The following CD247 variants were observed in gnomAD, a reference collection of about 807,000 sequenced individuals.
The protein encoded by CD247 is CD247 molecule, also known as T-cell surface glycoprotein CD3 zeta chain.
In CD247, 13 loss-of-function variants were observed where a neutral mutation model predicts 30.0. The observed-to-expected ratio is 0.43, with a 90% CI of 0.28 to 0.69. The LOEUF is 0.69. Among genes scored for constraint, CD247 ranks in the 30% least tolerant of loss-of-function variants. The pLI is 0.16. For missense variants in CD247, 193 were observed against 212.6 expected (o/e 0.91, Z 0.57); for synonymous variants, 72 against 80.0 (o/e 0.90, Z 0.53).
intron 1 of CD247, among the ~76,000 whole-genome samples, chr1:167,441,943 T>C (rs751434810): frequency 1.3e-5 from 2 of 152,134 alleles, no homozygotes; most frequent in Non-Finnish European, 2.9e-5. Context: ...AAACCCCATC[T>C]CTACTAAAAA....
chr1:167,514,691 C>G (rs957832718), intron 1 of CD247, among the ~76,000 whole-genome samples: 1 of 151,866 alleles, frequency 6.6e-6, no homozygotes, highest in Non-Finnish European at 1.5e-5. Flanking sequence ...TAGCCTTGGC[C>G]GAAGCAGAGC....
chr1:167,495,838 G>A (rs1654668354), intron 1 of CD247, among the ~76,000 whole-genome samples: 1 of 152,108 alleles, frequency 6.6e-6, no homozygotes, highest in Non-Finnish European at 1.5e-5. Context: ...TGACTAGAAT[G>A]CCACCATCTT....
In CD247 at chr1:167,431,070, C is replaced by G; in HGVS notation, c.*611G>C. 2.4e-6 allele frequency: 1 copy of G among 424,546 alleles called. No individual in the cohort carries two copies. The allele number at this position is 424,546 out of a possible 1,614,324, so 26.3% of individuals were successfully genotyped here. A position where few individuals can be genotyped will look rare whatever the true frequency, so the allele number is the denominator to read the frequency against. Reference sequence around the variant, plus strand: ...CACAGAGGCCTGAGGCAGGGAGGCTCCCGCTGCCCTCGCAGGCCCTGGCTG... The same window carrying G: ...CACAGAGGCCTGAGGCAGGGAGGCTGCCGCTGCCCTCGCAGGCCCTGGCTG... On this transcript the variant is annotated 3_prime_UTR_variant, in exon 8 of 8. Transcript: ENST00000362089.
chr1:167,435,513 C>T (rs1651504985), intron 4 of CD247, 79 bp from the exon 5 acceptor site: 3 of 1,150,928 alleles, frequency 2.6e-6, no homozygotes, highest in South Asian at 1.2e-5. Context: ...CCCCATCCTG[C>T]CCCCTGACTG....
chr1:167,483,094 C>T (rs1001604622), intron 1 of CD247, among the ~76,000 whole-genome samples: 5 of 151,686 alleles, frequency 3.3e-5, no homozygotes, highest in African/African-American at 2.4e-5. Context: ...CAGCAACCTC[C>T]GCCTCCTGGG....
At chr1:167,479,125 A>G (rs1037731685) in intron 1 of CD247, among the ~76,000 whole-genome samples, 3 of 152,246 alleles carry the variant, frequency 2.0e-5, no homozygotes, top group Admixed American at 2.0e-4. Context: ...ATTCAAACTC[A>G]CATAGCTAAT....
intron 7 of CD247, 30 bp downstream of exon 7, chr1:167,432,994 T>C (rs1474657442): frequency 6.2e-7 from 1 of 1,613,414 alleles, no homozygotes; most frequent in Admixed American, 1.7e-5. Flanking sequence ...GTGGTGCCCC[T>C]TCCACTGAAG....
intron 1 of CD247, among the ~76,000 whole-genome samples, chr1:167,484,344 G>A (rs1380158874): frequency 1.3e-5 from 2 of 152,162 alleles, no homozygotes; most frequent in Non-Finnish European, 2.9e-5. Context: ...CTCCATCTCA[G>A]TCACAAGGAC....
intron 1 of CD247, among the ~76,000 whole-genome samples, chr1:167,455,002 T>TCCCGGAGCTC (rs1369035171): frequency 8.5e-5 from 13 of 152,104 alleles, no homozygotes; most frequent in Admixed American, 8.5e-4. Context: ...CCCAAGCTCC[T>TCCCGGAGCTC]CCCGGAGCTC....
intron 4 of CD247, 78 bp from the exon 5 acceptor site, chr1:167,435,512 G>T: frequency 1.7e-6 from 2 of 1,158,952 alleles, no homozygotes; most frequent in Non-Finnish European, 2.6e-6. Context: ...ACCCCATCCT[G>T]CCCCCTGACT....
chr1:167,446,722 G>T (rs143463534), intron 1 of CD247, among the ~76,000 whole-genome samples: 1 of 152,196 alleles, frequency 6.6e-6, no homozygotes, highest in Non-Finnish European at 1.5e-5. Flanking sequence ...GGCCAGGCGC[G>T]GTGGCTCACG....
At chr1:167,457,801 T>C (rs1474768432) in intron 1 of CD247, 1 of 152,252 alleles carries the variant, frequency 6.6e-6, no homozygotes, top group African/African-American at 2.4e-5. Flanking sequence ...TGCAACTAGA[T>C]TGTAGGTTGC....
chr1:167,501,096 C>T (rs1187105882), intron 1 of CD247, among the ~76,000 whole-genome samples: 1 of 150,398 alleles, frequency 6.6e-6, no homozygotes, highest in African/African-American at 2.5e-5. Context: ...CACTTGTTGC[C>T]CAGGCTGGAG....
At chr1:167,505,972 A>G (rs1290898983) in intron 1 of CD247, among the ~76,000 whole-genome samples, 3 of 152,232 alleles carry the variant, frequency 2.0e-5, no homozygotes, top group Non-Finnish European at 2.9e-5. Context: ...AGCCCAGAGG[A>G]CAGGCAGCTA....
intron 1 of CD247, among the ~76,000 whole-genome samples, chr1:167,489,491 A>G (rs1654351433): frequency 6.6e-6 from 1 of 152,104 alleles, no homozygotes; most frequent in Non-Finnish European, 1.5e-5. Context: ...GTGGAATTCC[A>G]TGGGAAGTTT....
intron 1 of CD247, among the ~76,000 whole-genome samples, chr1:167,506,511 C>T (rs1655142331): frequency 6.6e-6 from 1 of 152,054 alleles, no homozygotes; most frequent in Non-Finnish European, 1.5e-5. Flanking sequence ...CCGTGCCCAG[C>T]GAATATTTTC....
intron 1 of CD247, among the ~76,000 whole-genome samples, chr1:167,507,235 T>C (rs1258203927): frequency 6.6e-6 from 1 of 151,886 alleles, no homozygotes; most frequent in Non-Finnish European, 1.5e-5. Flanking sequence ...TTTTTTTTTT[T>C]TAACCTTCAA....
At chr1:167,460,230 C>T (rs757975629) in intron 1 of CD247, among the ~76,000 whole-genome samples, 4 of 151,726 alleles carry the variant, frequency 2.6e-5, no homozygotes, top group East Asian at 1.9e-4. Context: ...GGCGAAATCC[C>T]GTCTCTACAA....
At chr1:167,515,991 C>A (rs1282261082) in intron 1 of CD247, among the ~76,000 whole-genome samples, 1 of 152,200 alleles carries the variant, frequency 6.6e-6, no homozygotes, top group Admixed American at 6.5e-5. Context: ...AAAACTGAGG[C>A]CCAGAGAGGT....
Sources: gnomAD v4.1 joint callset for allele counts (sites outside exome capture counted in the v4.1 genomes callset) on GRCh38, gnomAD v4.1.1 for gene constraint, MANE v1.5 for transcripts, NCBI Gene and HGNC (gene_info 2026-07-23, HGNC 2026-07-21) for gene names.